POMGNT1: variants seen among roughly 807,000 people sequenced by gnomAD.
POMGNT1 encodes the protein protein O-linked-mannose beta-1,2-N-acetylglucosaminyltransferase 1.
A neutral mutation model predicts 95.6 loss-of-function variants in POMGNT1; 67 were observed. The ratio of observed to expected loss-of-function variants is 0.70; its 90% CI spans 0.58 to 0.86. POMGNT1 has a LOEUF of 0.86. POMGNT1 is among the 40% of genes least tolerant of loss of function. The probability of loss-of-function intolerance (pLI) is 0.00; values close to 1 mark genes in which losing one functional copy is unlikely to be tolerated. For synonymous variants in POMGNT1, 298 were observed against 317.9 expected, an observed-to-expected ratio of 0.94 and a Z score of 0.66; for missense variants, 719 against 855.2, an observed-to-expected ratio of 0.84 and a Z score of 1.99.
At chr1:46,219,708 C>T (rs368611590) in exon 1 of POMGNT1, 11 of 1,588,194 alleles carry the variant, frequency 6.9e-6, no homozygotes, top group East Asian at 2.2e-5. Context: ...GGCTTACCTG[C>T]GAGCCATCGA....
At position 46,191,306 on chromosome 1, in the gene POMGNT1, G is replaced by C. The variant is rs143435915; in HGVS notation, c.1540-522C>G. ...GGACGCTATTCATTCCTTTGGGCTG[G>C]GCTGGCTCAAGGCCTCCCTTGCTGT... On this transcript the variant is annotated intron_variant, in intron 17 of 21. Transcript: ENST00000371984. 542 of 202,186 alleles carry C rather than the reference G, an allele frequency of 2.7e-3. 1 individual carries two copies. The highest frequency in any genetic ancestry group is 4.2e-3 in the Middle Eastern group (2 of 472). 12.5% of individuals were successfully genotyped at this position (202,186 alleles called of 1,614,324 possible).
intron 1 of POMGNT1, among the ~76,000 whole-genome samples, chr1:46,216,312 C>T (rs1308112629): frequency 1.3e-5 from 2 of 151,928 alleles, no homozygotes; most frequent in African/African-American, 4.8e-5. Flanking sequence ...TCCCAAAGTG[C>T]TGGGATTACA....
chr1:46,201,681 G>C (rs980185446), upstream of POMGNT1, among the ~76,000 whole-genome samples: 5 of 133,352 alleles, frequency 3.7e-5, no homozygotes, highest in Admixed American at 4.2e-4. Flanking sequence ...CTGGGCGACA[G>C]AGTGAGACTC....
chr1:46,197,233 C>T (rs1448716178), intron 2 of POMGNT1, 149 bp from the exon 3 acceptor site: 1 of 1,561,650 alleles, frequency 6.4e-7, no homozygotes, highest in Non-Finnish European at 8.6e-7. Context: ...CTCCCCTGAC[C>T]AGGGCCTAGT....
At position 46,219,998 on chromosome 1, in the gene POMGNT1, T is replaced by A. The variant is rs1316399045; in HGVS notation, c.-344A>T. ...AACAGGGCCCACCTGGGGCTCCACG[T>A]TCCGAGATGGACTGGGCAAAAGTTA... On this transcript the variant is annotated 5_prime_UTR_variant, in exon 1 of 23. Coordinates refer to the POMGNT1 transcript ENST00000371992. 4 of 1,614,104 alleles carry A rather than the reference T, an allele frequency of 2.5e-6. No homozygotes were observed. The Admixed American group carries it at 6.7e-5, about 27-fold the overall frequency.
At chr1:46,212,030 G>A (rs929974850) in intron 1 of POMGNT1, among the ~76,000 whole-genome samples, 3 of 152,138 alleles carry the variant, frequency 2.0e-5, no homozygotes, top group South Asian at 4.2e-4. Context: ...CCAAAGTGCC[G>A]GGATTACAGG....
chr1:46,192,680 G>T, intron 14 of POMGNT1, 90 bp from the exon 15 acceptor site: 1 of 1,601,240 alleles, frequency 6.2e-7, no homozygotes, highest in African/African-American at 1.3e-5. Flanking sequence ...TGGGTCTCAG[G>T]AGCACCTCCT....
intron 8 of POMGNT1, 21 bp downstream of exon 8, chr1:46,194,532 T>C: frequency 6.2e-7 from 1 of 1,613,828 alleles, no homozygotes; most frequent in Non-Finnish European, 8.5e-7. Flanking sequence ...CCCTGCCCCA[T>C]CCATGCTCCA....
At position 46,215,210 on chromosome 1, in the gene POMGNT1, A is replaced by G. The variant is rs1456168835; in HGVS notation, c.-51+4495T>C. 2.7e-5 allele frequency among the ~76,000 whole-genome samples: 4 copies of G among 148,928 alleles called. No homozygotes were observed. The Admixed American group carries it at 2.7e-4, about 10-fold the overall frequency. Reference sequence around the variant, plus strand: ...CATTGCACTCTAGCCTGGGCGACACAACAAAACTCTGTCTCAAAAAAAAAA... The same window carrying G: ...CATTGCACTCTAGCCTGGGCGACACGACAAAACTCTGTCTCAAAAAAAAAA... On this transcript the variant is annotated intron_variant, in intron 1 of 22. Coordinates refer to the POMGNT1 transcript ENST00000371992.
At chr1:46,212,527 C>T (rs1390785435) in intron 1 of POMGNT1, among the ~76,000 whole-genome samples, 3 of 151,394 alleles carry the variant, frequency 2.0e-5, no homozygotes, top group Non-Finnish European at 4.4e-5. Flanking sequence ...GTGATCCGCC[C>T]GCCTTGGCCT....
At chr1:46,211,927 A>G (rs1658909434) in intron 1 of POMGNT1, among the ~76,000 whole-genome samples, 1 of 152,026 alleles carries the variant, frequency 6.6e-6, no homozygotes, top group Admixed American at 6.6e-5. Context: ...ACGCCTGGCC[A>G]ATTTTTGTAT....
intron 1 of POMGNT1, among the ~76,000 whole-genome samples, chr1:46,209,836 A>G (rs1466572381): frequency 6.6e-6 from 1 of 152,064 alleles, no homozygotes; most frequent in Non-Finnish European, 1.5e-5. Flanking sequence ...GGAAAGAGGA[A>G]GGAAGGGAGG....
At position 46,195,902 on chromosome 1, in the gene POMGNT1, A is replaced by G; in HGVS notation, c.443T>C (p.Val148Ala). 1.2e-6 allele frequency: 2 copies of G among 1,614,000 alleles called. No individual in the cohort carries two copies. The highest frequency in any genetic ancestry group is 1.1e-5 in the South Asian group (1 of 91,044). The change falls in exon 6 of 22, where the codon GTG becomes GCG. Residue 148 changes from valine to alanine, a missense_variant. By Grantham distance (64) the Val-to-Ala change is moderately conservative (BLOSUM62 0). Around this residue, in one of 5 missense-constraint regions of POMGNT1, gnomAD observed 466 missense variants for 517.4 expected, o/e 0.90. Transcript: ENST00000371984. ...CTCATGAGGTGAGTACGTGTCAAAC[A>G]CACGTTTTGCCATCACGTGGCCCTG... ...QATGHVMAKR[V>A]FDTYSPHEDE...
At chr1:46,213,491 T>A (rs1255889946) in intron 1 of POMGNT1, among the ~76,000 whole-genome samples, 1 of 151,860 alleles carries the variant, frequency 6.6e-6, no homozygotes, top group Admixed American at 6.6e-5. Flanking sequence ...ACTTTATATA[T>A]GGAGAATAGA....
Position 46,205,947 on chromosome 1 carries a change from G to T in POMGNT1, c.-50-8076C>A, listed in dbSNP as rs187990015. On this transcript the variant is annotated intron_variant, in intron 1 of 22. Transcript: ENST00000371992. ...CTCTCCCAGCTCTCCTTGCACAAAG[G>T]GGGAAGGCCTACCCTTGAGGCCAAG... Among the ~76,000 whole-genome samples, 362 of 152,328 alleles carry T rather than the reference G, an allele frequency of 2.4e-3. 2 individuals carry two copies. The highest frequency in any genetic ancestry group is 8.4e-3 in the African/African-American group (351 of 41,572).
intron 1 of POMGNT1, among the ~76,000 whole-genome samples, chr1:46,212,365 C>G (rs1658924943): frequency 2.0e-5 from 3 of 151,668 alleles, no homozygotes; most frequent in Non-Finnish European, 4.4e-5. Context: ...ACTGCAAGCT[C>G]CGCCTCCCGG....
chr1:46,216,339 C>T (rs1170389807), intron 1 of POMGNT1, among the ~76,000 whole-genome samples: 1 of 151,870 alleles, frequency 6.6e-6, no homozygotes. Context: ...AGCCACCACG[C>T]TCGGCCCTAT....
At chr1:46,192,465 A>G in intron 15 of POMGNT1, 29 bp from the exon 16 acceptor site, 1 of 1,614,124 alleles carries the variant, frequency 6.2e-7, no homozygotes, top group Non-Finnish European at 8.5e-7. Context: ...AGTGGGAGGT[A>G]TTAGCTGAGG....
intron 1 of POMGNT1, chr1:46,203,576 C>T (rs1293399791): frequency 1.3e-6 from 2 of 1,579,382 alleles, no homozygotes; most frequent in East Asian, 2.3e-5. Flanking sequence ...GGGCGTCTAG[C>T]ACCGGCCACG....
Sources: allele counts gnomAD v4.1 joint callset (sites outside exome capture counted in the v4.1 genomes callset), GRCh38; gene constraint gnomAD v4.1.1; regional missense constraint gnomAD v4.1.1; transcripts MANE v1.5; gene names NCBI Gene and HGNC (gene_info 2026-07-23, HGNC 2026-07-21).